GALNT18: variants seen among roughly 807,000 people sequenced by gnomAD.
The protein encoded by GALNT18 is GalNAc-transferase 18.
A neutral mutation model predicts 69.5 loss-of-function variants in GALNT18; 44 were observed. That is an observed-to-expected ratio of 0.63 (90% CI 0.50 to 0.81). The LOEUF (loss-of-function observed/expected upper bound fraction) is 0.81, where lower values mean the gene tolerates loss of function less well. GALNT18 is among the 40% of genes least tolerant of loss of function. The pLI, the probability that GALNT18 is intolerant of heterozygous loss-of-function variation, is 0.00. For synonymous variants in GALNT18, 364 were observed against 318.2 expected (o/e 1.14, Z -1.53); for missense variants, 715 against 810.0 (o/e 0.88, Z 1.42).
intron 1 of GALNT18, among the ~76,000 whole-genome samples, chr11:11,493,439 C>G (rs529613546): frequency 3.9e-5 from 6 of 152,086 alleles, no homozygotes; most frequent in Non-Finnish European, 7.3e-5. Flanking sequence ...CCAGCTCAAC[C>G]TTCCTACATA....
At chr11:11,348,247 G>A (rs1043342065) in intron 6 of GALNT18, among the ~76,000 whole-genome samples, 1 of 151,906 alleles carries the variant, frequency 6.6e-6, no homozygotes, top group African/African-American at 2.4e-5. Context: ...GCATGGTGGC[G>A]GGTGCCTGTA....
At chr11:11,536,607 C>T (rs1256458159) in intron 1 of GALNT18, among the ~76,000 whole-genome samples, 1 of 146,396 alleles carries the variant, frequency 6.8e-6, no homozygotes, top group Non-Finnish European at 1.5e-5. Context: ...ATGAAACCCG[C>T]CAAGACCTTT....
intron 1 of GALNT18, among the ~76,000 whole-genome samples, chr11:11,460,036 C>T (rs144070849): frequency 5.9e-4 from 90 of 152,286 alleles, no homozygotes; most frequent in African/African-American, 2.0e-3. Flanking sequence ...CATCCCACAT[C>T]GCAGCACTCT....
At position 11,356,506 on chromosome 11, in the gene GALNT18, C is replaced by A. The variant is rs1850532224; in HGVS notation, c.1093-15502G>T. On this transcript the variant is annotated intron_variant, in intron 6 of 10. Transcript: ENST00000227756. This position sits in a 1 kb window ranked among gnomAD's most constrained non-coding sequence, Gnocchi z 4.4. ...TTTGGCTTTTGTTTTTGCTTTTTTC[C>A]AAAATTCAGGAAATTAAACATTGAT... Among the ~76,000 whole-genome samples, 1 of 152,026 alleles carries A rather than the reference C, an allele frequency of 6.6e-6. No homozygotes were observed. Among genetic ancestry groups the A allele is most frequent in the African/African-American group, 2.4e-5 (1 of 41,398 alleles).
At chr11:11,331,873 T>C (rs954848504) in intron 8 of GALNT18, among the ~76,000 whole-genome samples, 3 of 152,162 alleles carry the variant, frequency 2.0e-5, no homozygotes, top group Non-Finnish European at 4.4e-5. Context: ...AAAATACCAT[T>C]TAAAATACCT....
chr11:11,538,477 G>A lies in GALNT18; in HGVS notation c.235+82882C>T, dbSNP rs1306609801. 1.3e-5 allele frequency among the ~76,000 whole-genome samples: 2 copies of A among 152,200 alleles called. No homozygotes were observed. The highest frequency in any genetic ancestry group is 2.9e-5 in the Non-Finnish European group (2 of 68,044). ...AGCTCCCAGAGGCCTGGGCCTGCAG[G>A]GTGGGAGAGACCAGCATACCACAAG... On this transcript the variant is annotated intron_variant, in intron 1 of 10. Coordinates refer to ENST00000227756, the MANE Select transcript of GALNT18 (RefSeq NM_198516.3). The surrounding 1 kb of genome is among the most constrained non-coding windows in gnomAD (Gnocchi z 5.2).
chr11:11,595,742 C>T lies in GALNT18; in HGVS notation c.235+25617G>A, dbSNP rs2133937002. 2.0e-5 allele frequency among the ~76,000 whole-genome samples: 3 copies of T among 152,250 alleles called. No individual in the cohort carries two copies. The Middle Eastern group carries it at 0.01, about 518-fold the overall frequency. On this transcript the variant is annotated intron_variant, in intron 1 of 10. Transcript: ENST00000227756. This position sits in a 1 kb window ranked among gnomAD's most constrained non-coding sequence, Gnocchi z 5.2. ...ATTTTTTAATTGTGTCATTTATCAC[C>T]TTTACTATTGCATTATGAGTTTTTG...
chr11:11,504,052 T>C (rs1857023993), intron 1 of GALNT18, among the ~76,000 whole-genome samples: 1 of 152,266 alleles, frequency 6.6e-6, no homozygotes, highest in Non-Finnish European at 1.5e-5. Context: ...CCTGAGCATA[T>C]AAAAGCAAAC....
intron 1 of GALNT18, among the ~76,000 whole-genome samples, chr11:11,594,555 A>T (rs1218286174): frequency 1.3e-5 from 2 of 152,172 alleles, no homozygotes; most frequent in Non-Finnish European, 2.9e-5. Context: ...CATACAAATC[A>T]AATGATACAA....
At chr11:11,544,002 G>T (rs1298371003) in intron 1 of GALNT18, among the ~76,000 whole-genome samples, 2 of 152,182 alleles carry the variant, frequency 1.3e-5, no homozygotes, top group Admixed American at 6.5e-5. Flanking sequence ...AATGGATTTT[G>T]GGGCCCTGCA....
At chr11:11,343,633 G>C (rs115476682) in intron 6 of GALNT18, among the ~76,000 whole-genome samples, 1 of 152,146 alleles carries the variant, frequency 6.6e-6, no homozygotes, top group African/African-American at 2.4e-5. Flanking sequence ...CTTTGCTCAG[G>C]TTCTCTATGA....
At position 11,497,327 on chromosome 11, in the gene GALNT18, A is replaced by AACACACACACACGCACACACACAC. The variant is rs1856884273; in HGVS notation, c.236-48392_236-48391insGTGTGTGTGTGCGTGTGTGTGTGT. Among the ~76,000 whole-genome samples the AACACACACACACGCACACACACAC allele has an allele frequency of 7.6e-6, 1 of 132,230 alleles. No homozygotes were observed. The highest frequency in any genetic ancestry group is 2.9e-5 in the African/African-American group (1 of 34,006). 86.7% of individuals were successfully genotyped at this position (132,230 alleles called of 152,430 possible). A position where few individuals can be genotyped will look rare whatever the true frequency, so the allele number is the denominator to read the frequency against. On this transcript the variant is annotated intron_variant, in intron 1 of 10. Coordinates refer to ENST00000227756, the MANE Select transcript of GALNT18 (RefSeq NM_198516.3). This position sits in a 1 kb window ranked among gnomAD's most constrained non-coding sequence, Gnocchi z 4.2. ...TATTTATGTTTTACCTCCTGTCTCC[A>AACACACACACACGCACACACACAC]ACACACACACACACACACACACACA...
chr11:11,503,628 G>A (rs999908093), intron 1 of GALNT18, among the ~76,000 whole-genome samples: 7 of 152,204 alleles, frequency 4.6e-5, no homozygotes, highest in African/African-American at 1.4e-4. Flanking sequence ...TCACTTGAGT[G>A]TGAGTTTGAC....
chr11:11,589,547 A>G (rs1406749187), intron 1 of GALNT18, among the ~76,000 whole-genome samples: 1 of 152,056 alleles, frequency 6.6e-6, no homozygotes, highest in East Asian at 1.9e-4. Flanking sequence ...CCATACTCAT[A>G]AGAGCTTCAA....
chr11:11,284,908 G>GTGTTTTTTTT (rs1554909664), intron 10 of GALNT18, among the ~76,000 whole-genome samples: 1 of 82,822 alleles, frequency 1.2e-5, no homozygotes, highest in Non-Finnish European at 2.1e-5. Flanking sequence ...AGACTTTCGT[G>GTGTTTTTTTT]TTTTTTTTTT....
intron 8 of GALNT18, among the ~76,000 whole-genome samples, chr11:11,331,006 C>A (rs1373573543): frequency 1.3e-5 from 2 of 152,214 alleles, no homozygotes; most frequent in African/African-American, 4.8e-5. Context: ...GCGTAACTCT[C>A]CTTTTAGGAT....
In GALNT18 at chr11:11,587,663, A is replaced by T. The variant is rs1052865269; in HGVS notation, c.235+33696T>A. 9.8e-5 allele frequency among the ~76,000 whole-genome samples: 15 copies of T among 152,326 alleles called. No homozygotes were observed. The highest frequency in any genetic ancestry group is 3.1e-4 in the African/African-American group (13 of 41,580). On this transcript the variant is annotated intron_variant, in intron 1 of 10. Transcript: ENST00000227756. The surrounding 1 kb of genome is among the most constrained non-coding windows in gnomAD (Gnocchi z 4.4). The stretch of plus-strand genomic sequence containing the variant: ...TCCAAAGTTATATCCTAGAGAAGTA[A>T]TACCAGTCATCAACATCAAAACCAA...
intron 2 of GALNT18, among the ~76,000 whole-genome samples, chr11:11,434,981 A>G (rs1450232689): frequency 2.0e-5 from 3 of 152,198 alleles, no homozygotes; most frequent in Non-Finnish European, 4.4e-5. Flanking sequence ...TAACACAAAC[A>G]CCACTTGCTA....
intron 10 of GALNT18, among the ~76,000 whole-genome samples, chr11:11,290,064 C>T (rs1849270153): frequency 6.6e-6 from 1 of 151,988 alleles, no homozygotes; most frequent in Non-Finnish European, 1.5e-5. Context: ...CCAAGACAGC[C>T]CAGAGGCCAC....
Sources: gnomAD v4.1 joint callset for allele counts (sites outside exome capture counted in the v4.1 genomes callset) on GRCh38, gnomAD v4.1.1 for gene constraint, Gnocchi (gnomAD v3.1) non-coding constraint, MANE v1.5 for transcripts, NCBI Gene and HGNC (gene_info 2026-07-23, HGNC 2026-07-21) for gene names.